Variants in MPHOSPH8 observed in about 807,000 individuals in gnomAD.
The protein encoded by MPHOSPH8 is M-phase phosphoprotein 8, also known as M-phase phosphoprotein, mpp.
Under a neutral mutation model 87.3 loss-of-function variants are expected in MPHOSPH8, and 45 were observed. That is an observed-to-expected ratio of 0.52 (90% confidence interval 0.41 to 0.66). The LOEUF (loss-of-function observed/expected upper bound fraction) is 0.66, where lower values mean the gene tolerates loss of function less well. MPHOSPH8 is among the 30% of genes least tolerant of loss of function. The probability of loss-of-function intolerance (pLI) is 0.00; values close to 1 mark genes in which losing one functional copy is unlikely to be tolerated. For missense variants in MPHOSPH8, 883 were observed against 1,020.2 expected (o/e 0.87, Z 1.83); for synonymous variants, 366 against 376.9 (o/e 0.97, Z 0.33).
chr13:19,660,596 T>C (rs1447317782), intron 7 of MPHOSPH8, among the ~76,000 whole-genome samples: 1 of 152,234 alleles, frequency 6.6e-6, no homozygotes, highest in East Asian at 1.9e-4. Context: ...ATGGTAATTC[T>C]ACATTCACTC....
intron 1 of MPHOSPH8, among the ~76,000 whole-genome samples, chr13:19,640,947 T>G (rs1593467855): frequency 6.6e-6 from 1 of 152,310 alleles, no homozygotes; most frequent in Admixed American, 6.5e-5. Flanking sequence ...ATCCTAATGT[T>G]TTAAAAACAT....
intron 9 of MPHOSPH8, among the ~76,000 whole-genome samples, chr13:19,664,828 C>G (rs1016628716): frequency 2.6e-5 from 4 of 152,042 alleles, no homozygotes; most frequent in African/African-American, 9.7e-5. Flanking sequence ...GAGGTGTGGG[C>G]TGGAGATTCA....
At position 19,633,697 on chromosome 13, in the gene MPHOSPH8, C is replaced by T. The variant is rs1315906564; in HGVS notation, c.-52C>T. The T allele has an allele frequency of 5.2e-6, 8 of 1,543,662 alleles. No homozygotes were observed. Among genetic ancestry groups the T allele is most frequent in the South Asian group, 3.6e-5 (3 of 83,974 alleles). ...GCCGAGCGCGGAACGCGAGGGGCTG[C>T]TGGGGTGTTTGTCGCAGCGGGTTTT... On this transcript the variant is annotated 5_prime_UTR_variant, in exon 1 of 14. Coordinates refer to ENST00000361479, the MANE Select transcript of MPHOSPH8 (RefSeq NM_017520.4).
intron 10 of MPHOSPH8, among the ~76,000 whole-genome samples, chr13:19,667,888 G>A: frequency 6.6e-6 from 1 of 152,136 alleles, no homozygotes; most frequent in East Asian, 1.9e-4. Flanking sequence ...GCGAACTCAA[G>A]GCGGTGTTTA....
At chr13:19,640,105 AC>A (rs1432074046) in intron 1 of MPHOSPH8, among the ~76,000 whole-genome samples, 1 of 151,782 alleles carries the variant, frequency 6.6e-6, no homozygotes, top group Non-Finnish European at 1.5e-5. Context: ...TAAAAAAAAA[AC>A]AACCAAAAAG....
chr13:19,662,011 A>G (rs1183482012), intron 8 of MPHOSPH8, among the ~76,000 whole-genome samples, 173 bp downstream of exon 8: 1 of 150,254 alleles, frequency 6.7e-6, no homozygotes, highest in Non-Finnish European at 1.5e-5. Flanking sequence ...GCACGATCTC[A>G]GCTCACTGCA....
intron 11 of MPHOSPH8, 136 bp downstream of exon 11, chr13:19,668,667 C>T: frequency 1.0e-6 from 1 of 956,936 alleles, no homozygotes; most frequent in South Asian, 1.8e-5. Context: ...GACCGGTTAA[C>T]AGTAGAGCCA....
intron 1 of MPHOSPH8, among the ~76,000 whole-genome samples, chr13:19,640,427 G>C (rs1461239209): frequency 6.6e-6 from 1 of 152,174 alleles, no homozygotes; most frequent in East Asian, 1.9e-4. Flanking sequence ...AGGCCCTGCT[G>C]TAGTTTGCTG....
chr13:19,671,274 A>T lies in MPHOSPH8; in HGVS notation c.2526A>T (p.Glu842Asp). The change falls in exon 13 of 14, where the codon GAA becomes GAT. Residue 842 changes from glutamate (E) to aspartate (D), a missense_variant. Glu to Asp is a conservative substitution (Grantham distance 45). This residue lies in a region of MPHOSPH8 where 741 missense variants were observed against 841.5 expected (regional missense o/e 0.88). Transcript: ENST00000361479. ...GPNKLFIRLTEAPSAKVKLLI... is the reference protein window; with the variant it reads ...GPNKLFIRLTDAPSAKVKLLI... The stretch of plus-strand genomic sequence containing the variant: ...ATAAACTCTTCATAAGGTTGACAGA[A>T]GCACCCTCTGCCAAGGTGACAGTCC... 6.2e-7 allele frequency: 1 copy of T among 1,613,528 alleles called. No individual in the cohort carries two copies. Among genetic ancestry groups the T allele is most frequent in the East Asian group, 2.2e-5 (1 of 44,878 alleles).
At chr13:19,645,231 C>T (rs907756666) in intron 2 of MPHOSPH8, among the ~76,000 whole-genome samples, 69 of 152,198 alleles carry the variant, frequency 4.5e-4, no homozygotes, top group Non-Finnish European at 1.3e-4. Context: ...CCTTCGCTTC[C>T]CCTGAGTGAC....
intron 1 of MPHOSPH8, among the ~76,000 whole-genome samples, chr13:19,634,463 C>T (rs1400023787): frequency 6.6e-6 from 1 of 152,098 alleles, no homozygotes; most frequent in African/African-American, 2.4e-5. Flanking sequence ...CAGCATCATC[C>T]CTCTCTCCCC....
chr13:19,633,762 C>T lies in MPHOSPH8; in HGVS notation c.14C>T (p.Ala5Val), dbSNP rs749787960. 6 of 1,597,752 alleles carry T rather than the reference C, an allele frequency of 3.8e-6. No homozygotes were observed. The highest frequency in any genetic ancestry group is 2.3e-5 in the East Asian group (1 of 44,444). Residue 5 changes from alanine (A) to valine (V), a missense_variant, in exon 1 of 14, where the codon GCG (alanine) becomes GTG (valine). This residue lies in a region of MPHOSPH8 where 103 missense variants were observed against 96.3 expected (regional missense o/e 1.07). Coordinates refer to ENST00000361479, the MANE Select transcript of MPHOSPH8 (RefSeq NM_017520.4). MEQVAEGARVTAVPV... is the reference protein window; with the variant it reads MEQVVEGARVTAVPV... ...GGAGCTGCTAGGATGGAGCAGGTTGCGGAGGGAGCAAGGGTGACCGCAGTC... is the reference window on the plus strand; with the variant it reads ...GGAGCTGCTAGGATGGAGCAGGTTGTGGAGGGAGCAAGGGTGACCGCAGTC...
Position 19,673,058 on chromosome 13 carries a change from A to G in MPHOSPH8, c.*1183A>G, listed in dbSNP as rs527829595. 1.4e-4 allele frequency: 63 copies of G among 442,130 alleles called. No individual in the cohort carries two copies. The highest frequency in any genetic ancestry group is 2.7e-4 in the Non-Finnish European group (61 of 223,112). The allele number at this position is 442,130 out of a possible 1,614,324, so 27.4% of individuals were successfully genotyped here. A position where few individuals can be genotyped will look rare whatever the true frequency, so the allele number is the denominator to read the frequency against. ...TGACAGAATGAGACCTTGTCTCAAA[A>G]AAAAAAAAAAGTTTCTTGGAACCTA... is the stretch of plus-strand genomic sequence containing the variant. On this transcript the variant is annotated 3_prime_UTR_variant, in exon 14 of 14. Transcript: ENST00000361479.
intron 1 of MPHOSPH8, among the ~76,000 whole-genome samples, chr13:19,641,368 G>A (rs1874279416): frequency 6.7e-6 from 1 of 149,742 alleles, no homozygotes; most frequent in African/African-American, 2.5e-5. Context: ...TTTTGCCCAG[G>A]CAGGAGTGCA....
intron 1 of MPHOSPH8, among the ~76,000 whole-genome samples, chr13:19,634,267 C>A (rs184634191): frequency 2.2e-4 from 34 of 152,254 alleles, no homozygotes; most frequent in African/African-American, 8.2e-4. Flanking sequence ...AGCTGCTGCG[C>A]TTTGGCGTGA....
At chr13:19,664,753 G>A (rs546910746) in intron 9 of MPHOSPH8, among the ~76,000 whole-genome samples, 19 of 152,166 alleles carry the variant, frequency 1.2e-4, no homozygotes, top group Admixed American at 8.5e-4. Context: ...AGCTGGGGGA[G>A]TTGGGCGTTG....
intron 7 of MPHOSPH8, chr13:19,659,585 G>T: frequency 2.6e-6 from 1 of 385,984 alleles, no homozygotes; most frequent in Non-Finnish European, 4.9e-6. Context: ...GATCACCTGA[G>T]CCTGGGAGGT....
intron 5 of MPHOSPH8, 81 bp from the exon 6 acceptor site, chr13:19,658,914 C>T: frequency 1.3e-6 from 2 of 1,535,482 alleles, no homozygotes; most frequent in Non-Finnish European, 8.8e-7. Context: ...TTGGTTAAGA[C>T]ACCACAAATT....
chr13:19,654,128 G>A (rs9578180), intron 5 of MPHOSPH8, among the ~76,000 whole-genome samples: 16,264 of 152,180 alleles, frequency 0.11, 1,066 homozygotes, highest in African/African-American at 0.18. Flanking sequence ...GTTGAAATGA[G>A]GGAAAAAATG....
Sources: allele counts gnomAD v4.1 joint callset (sites outside exome capture counted in the v4.1 genomes callset), GRCh38; gene constraint gnomAD v4.1.1; regional missense constraint gnomAD v4.1.1; transcripts MANE v1.5; gene names NCBI Gene and HGNC (gene_info 2026-07-23, HGNC 2026-07-21).